AUNIP: variants seen among roughly 807,000 people sequenced by gnomAD.
AUNIP encodes aurora kinase A- and ninein-interacting protein.
A neutral mutation model predicts 12.2 loss-of-function variants in AUNIP; 16 were observed. That is an observed-to-expected ratio of 1.31 (90% CI 0.88 to 1.99). AUNIP has a LOEUF of 1.99. Among genes scored for constraint, AUNIP ranks in the 30% most tolerant of loss-of-function variants. The pLI is 0.00. For missense variants in AUNIP, 411 were observed against 419.1 expected, an observed-to-expected ratio of 0.98 and a Z score of 0.17; for synonymous variants, 142 against 154.8, an observed-to-expected ratio of 0.92 and a Z score of 0.61.
chr1:25,833,464 A>C (rs2124490868), downstream of AUNIP, among the ~76,000 whole-genome samples: 1 of 152,290 alleles, frequency 6.6e-6, no homozygotes, highest in South Asian at 2.1e-4. Context: ...TGGAGAGATG[A>C]CATACACGAT....
rs1468185637 is a variant in AUNIP, at chr1:25,835,718, A to T, written c.349T>A (p.Ser117Thr). 6.2e-7 allele frequency: 1 copy of T among 1,614,086 alleles called. No homozygotes were observed. Among genetic ancestry groups the T allele is most frequent in the African/African-American group, 1.3e-5 (1 of 74,920 alleles). The change falls in exon 3 of 3, where the codon TCC becomes ACC. Residue 117 changes from serine to threonine, a missense_variant. Ser to Thr is a moderately conservative substitution (Grantham distance 58). Coordinates refer to ENST00000374298, the MANE Select transcript of AUNIP (RefSeq NM_024037.3). ...IPGLAHDCMASPLATSTTADI... is the reference protein window; with the variant it reads ...IPGLAHDCMATPLATSTTADI... ...GCAGTGGTTGAAGTGGCTAAAGGGG[A>T]TGCCATGCAATCGTGTGCTAAGCCT...
chr1:25,841,207 T>C (rs1019419667), intron 1 of AUNIP, among the ~76,000 whole-genome samples: 4 of 152,192 alleles, frequency 2.6e-5, no homozygotes, highest in Non-Finnish European at 4.4e-5. Context: ...TGGACTGTTA[T>C]GACTGTGTGA....
chr1:25,838,867 C>T (rs2048324023), intron 1 of AUNIP, among the ~76,000 whole-genome samples: 2 of 152,124 alleles, frequency 1.3e-5, no homozygotes, highest in Admixed American at 1.3e-4. Flanking sequence ...GTAAGATTTG[C>T]CACTATTCAT....
intron 1 of AUNIP, among the ~76,000 whole-genome samples, chr1:25,852,447 G>GTT (rs1557455687): frequency 6.9e-6 from 1 of 144,632 alleles, no homozygotes. Context: ...GATTATTTAA[G>GTT]GTTTTTTTTT....
chr1:25,836,701 G>A (rs149327279), intron 2 of AUNIP, among the ~76,000 whole-genome samples: 87 of 152,304 alleles, frequency 5.7e-4, no homozygotes, highest in African/African-American at 1.9e-3. Context: ...ACCAGAATTT[G>A]TAAGTGGAAA....
Position 25,853,181 on chromosome 1 carries a change from T to C in AUNIP, c.78+6099A>G, listed in dbSNP as rs925717812. On this transcript the variant is annotated intron_variant, in intron 1 of 2. Transcript: ENST00000374298. ...TGTTCAAATCTTTTTTCCTTGTTGA[T>C]ATCCATGATTGAAAGTGGGTATTAA... 1.1e-4 allele frequency among the ~76,000 whole-genome samples: 16 copies of C among 152,374 alleles called. 1 individual carries two copies. Among genetic ancestry groups the C allele is most frequent in the African/African-American group, 3.8e-4 (16 of 41,590 alleles).
rs769887420 is a variant in AUNIP, at chr1:25,835,243, TC to T, written c.823del (p.Asp275ThrfsTer35). 3.1e-6 allele frequency: 5 copies of T among 1,614,088 alleles called. No homozygotes were observed. Among genetic ancestry groups the T allele is most frequent in the Admixed American group, 1.7e-5 (1 of 60,002 alleles). Reference protein sequence around the residue: ...SRSPVSVFSWDNEKNDKDSWS... With the variant: ...SRSPVSVFSWXNEKNDKDSWS... ...GGAGTCCTTGTCATTCTTTTCATTG[TC>T]CCAGGAAAACACAGAAACTGGACTA... On this transcript the variant is annotated frameshift_variant, in exon 3 of 3. Transcript: ENST00000374298. LOFTEE classifies it high-confidence loss of function.
chr1:25,854,953 CTTTTTTTTT>C (rs1159770557), intron 1 of AUNIP, among the ~76,000 whole-genome samples: 1 of 121,124 alleles, frequency 8.3e-6, no homozygotes. Context: ...AGAATTCTTT[CTTTTTTTTT>C]TTTTTTTTTT....
intron 1 of AUNIP, among the ~76,000 whole-genome samples, chr1:25,841,887 T>C (rs1279031332): frequency 6.6e-6 from 1 of 152,214 alleles, no homozygotes; most frequent in Non-Finnish European, 1.5e-5. Context: ...CATCTCTATA[T>C]GATGGCAAAC....
At chr1:25,841,187 T>G (rs1345141487) in intron 1 of AUNIP, among the ~76,000 whole-genome samples, 1 of 152,206 alleles carries the variant, frequency 6.6e-6, no homozygotes, top group Admixed American at 6.5e-5. Flanking sequence ...AGGATCTACC[T>G]CTATCTCAGT....
At chr1:25,841,506 C>A (rs2048347222) in intron 1 of AUNIP, among the ~76,000 whole-genome samples, 1 of 151,698 alleles carries the variant, frequency 6.6e-6, no homozygotes, top group Non-Finnish European at 1.5e-5. Context: ...CAAACTTTTT[C>A]ATTATTGTAT....
Position 25,835,567 on chromosome 1 carries a change from C to G in AUNIP, c.500G>C (p.Ser167Thr). 1 of 1,614,238 alleles carries G rather than the reference C, an allele frequency of 6.2e-7. No individual in the cohort carries two copies. Among genetic ancestry groups the G allele is most frequent in the African/African-American group, 1.3e-5 (1 of 75,064 alleles). The change falls in exon 3 of 3, where the codon AGT (serine) becomes ACT (threonine). Residue 167 changes from serine (S) to threonine (T), a missense_variant. By Grantham distance (58) the Ser-to-Thr change is moderately conservative. Transcript: ENST00000374298. Reference sequence around the variant, plus strand: ...GAAGGAAAAAGCCAGTGGGGTATGACTATCTCCAGCACAGTCTGGAGTATC... The same window carrying G: ...GAAGGAAAAAGCCAGTGGGGTATGAGTATCTCCAGCACAGTCTGGAGTATC... The part of the protein sequence containing the change: ...QPDTPDCAGD[S>T]HTPLAFSFTE...
downstream of AUNIP, among the ~76,000 whole-genome samples, chr1:25,833,721 T>G (rs1032128635): frequency 2.7e-5 from 4 of 150,134 alleles, no homozygotes; most frequent in African/African-American, 9.8e-5. Context: ...GCCACCACAC[T>G]CCAGCCTGGG....
rs533731201 is a variant in AUNIP, at chr1:25,845,931, A to T, written c.79-8377T>A. On this transcript the variant is annotated intron_variant, in intron 1 of 2. Transcript: ENST00000374298. Reference sequence around the variant, plus strand: ...AAGCGTACACCCACAGAGAACTATGAAGTTTTCCGTCCCAAAGTAATCTAA... The same window carrying T: ...AAGCGTACACCCACAGAGAACTATGTAGTTTTCCGTCCCAAAGTAATCTAA... Among the ~76,000 whole-genome samples, 4 of 152,284 alleles carry T rather than the reference A, an allele frequency of 2.6e-5. No individual in the cohort carries two copies. The South Asian group carries it at 8.3e-4, about 32-fold the overall frequency.
In AUNIP at chr1:25,859,373, G is replaced by A. The variant is rs367828903; in HGVS notation, c.-16C>T. The A allele has an allele frequency of 2.7e-6, 4 of 1,506,478 alleles. No homozygotes were observed. The highest frequency in any genetic ancestry group is 2.7e-5 in the East Asian group (1 of 36,580). 93.3% of individuals were successfully genotyped at this position (1,506,478 alleles called of 1,614,324 possible). A position where few individuals can be genotyped will look rare whatever the true frequency, so the allele number is the denominator to read the frequency against. ...TCCGCCTCATGGCCGCTGAGGAGAC[G>A]AAGCCGGCAGGACGCCGGCGCAGGC... On this transcript the variant is annotated 5_prime_UTR_variant, in exon 1 of 3. Transcript: ENST00000374298.
At chr1:25,833,773 T>TA (rs77483237), downstream of AUNIP, among the ~76,000 whole-genome samples, 2,171 of 141,150 alleles carry the variant, frequency 0.015, 40 homozygotes, top group African/African-American at 0.045. Flanking sequence ...AAATTTAAGT[T>TA]AAAAAAAAAA....
rs1190129356 is a variant in AUNIP at position 25,853,114 on chromosome 1, GTT to G, written c.78+6164_78+6165del. On this transcript the variant is annotated intron_variant, in intron 1 of 2. Coordinates refer to ENST00000374298, the MANE Select transcript of AUNIP (RefSeq NM_024037.3). ...GTATTCTGCTGTTGTTGGGTAGACTGTTCTATATTTTTGTCTGTTAGGTCTAC... is the reference window on the plus strand; with the variant it reads ...GTATTCTGCTGTTGTTGGGTAGACTGCTATATTTTTGTCTGTTAGGTCTAC... 2.5e-3 allele frequency among the ~76,000 whole-genome samples: 384 copies of G among 152,250 alleles called. 5 individuals are homozygous for G. Among genetic ancestry groups the G allele is most frequent in the African/African-American group, 8.6e-3 (357 of 41,546 alleles).
At chr1:25,849,204 T>G (rs1344552503) in intron 1 of AUNIP, among the ~76,000 whole-genome samples, 1 of 152,218 alleles carries the variant, frequency 6.6e-6, no homozygotes, top group Non-Finnish European at 1.5e-5. Context: ...GCCCTTCATT[T>G]AAGGTCTAAC....
rs763842550 is a variant in AUNIP, at chr1:25,835,295, T to C, written c.772A>G (p.Asn258Asp). The C allele has an allele frequency of 2.4e-5, 38 of 1,614,248 alleles. No homozygotes were observed. The highest frequency in any genetic ancestry group is 3.1e-5 in the Non-Finnish European group (36 of 1,180,044). ...CGGCTTTGTTTCACTGATTCTATGT[T>C]TTCTCCATTCCAGGATTCCCTGTAT... Reference protein sequence around the residue: ...QTYRESWNGENIESVKQSRSP... With the variant: ...QTYRESWNGEDIESVKQSRSP... Residue 258 changes from asparagine (N) to aspartate (D), a missense_variant, in exon 3 of 3, where the codon AAC becomes GAC. By Grantham distance (23) the Asn-to-Asp change is conservative. Coordinates refer to ENST00000374298, the MANE Select transcript of AUNIP (RefSeq NM_024037.3).
Sources: allele counts gnomAD v4.1 joint callset (sites outside exome capture counted in the v4.1 genomes callset), GRCh38; gene constraint gnomAD v4.1.1; transcripts MANE v1.5; gene names NCBI Gene and HGNC (gene_info 2026-07-23, HGNC 2026-07-21).